CDH12: variants seen among roughly 807,000 people sequenced by gnomAD.
The protein encoded by CDH12 is cadherin 12.
A neutral mutation model predicts 74.1 loss-of-function variants in CDH12; 41 were observed. The observed-to-expected ratio is 0.55, with a 90% confidence interval of 0.43 to 0.72. The LOEUF (loss-of-function observed/expected upper bound fraction) is 0.72. CDH12 is among the 30% of genes least tolerant of loss of function. The pLI, the probability that CDH12 is intolerant of heterozygous loss-of-function variation, is 0.00. For synonymous variants in CDH12, 399 were observed against 355.0 expected, an observed-to-expected ratio of 1.12 and a Z score of -1.39; for missense variants, 945 against 977.2, an observed-to-expected ratio of 0.97 and a Z score of 0.44.
intron 6 of CDH12, among the ~76,000 whole-genome samples, chr5:21,890,498 A>C (rs548770186): frequency 5.5e-4 from 83 of 152,264 alleles, no homozygotes; most frequent in Middle Eastern, 3.4e-3. Flanking sequence ...TTGGTTAAGA[A>C]AGGATTTCAA....
At chr5:22,498,901 C>CTTTTTTTTTT (rs34550762) in intron 2 of CDH12, among the ~76,000 whole-genome samples, 31 of 73,432 alleles carry the variant, frequency 4.2e-4, no homozygotes, top group African/African-American at 4.9e-4. Context: ...TTTTCTGTTT[C>CTTTTTTTTTT]TTTTTTTTTT....
chr5:22,690,900 A>G (rs954249424), intron 1 of CDH12, among the ~76,000 whole-genome samples: 6 of 152,050 alleles, frequency 3.9e-5, no homozygotes, highest in African/African-American at 1.4e-4. Context: ...ACCATCCTTT[A>G]TCTCCTCCAT....
At chr5:22,019,212 A>G (rs992711143) in intron 5 of CDH12, among the ~76,000 whole-genome samples, 9 of 152,096 alleles carry the variant, frequency 5.9e-5, no homozygotes, top group Non-Finnish European at 1.2e-4. Context: ...GTTGGAGAAA[A>G]AGCTGCAACT....
At chr5:22,446,446 A>G (rs935287692) in intron 2 of CDH12, among the ~76,000 whole-genome samples, 2 of 152,138 alleles carry the variant, frequency 1.3e-5, no homozygotes, top group Non-Finnish European at 2.9e-5. Context: ...AACAACAACA[A>G]CAACAAAATG....
intron 6 of CDH12, among the ~76,000 whole-genome samples, chr5:21,879,931 G>T (rs1022209900): frequency 1.3e-5 from 2 of 152,228 alleles, no homozygotes; most frequent in African/African-American, 2.4e-5. Context: ...GGAAAACTTA[G>T]AGAATGGCAG....
chr5:21,877,512 A>G (rs1446642066), intron 6 of CDH12, among the ~76,000 whole-genome samples: 1 of 152,226 alleles, frequency 6.6e-6, no homozygotes, highest in Non-Finnish European at 1.5e-5. Context: ...TAAAGGAACA[A>G]ATAAGTCTGG....
intron 4 of CDH12, among the ~76,000 whole-genome samples, chr5:22,161,071 G>A (rs1748316173): frequency 6.6e-6 from 1 of 152,100 alleles, no homozygotes; most frequent in Non-Finnish European, 1.5e-5. Context: ...AAATCCTGAA[G>A]CTTTCATTCC....
intron 1 of CDH12, among the ~76,000 whole-genome samples, chr5:22,552,824 A>G (rs964733611): frequency 1.1e-4 from 16 of 152,144 alleles, no homozygotes; most frequent in African/African-American, 3.1e-4. Context: ...TTTTATCCCA[A>G]TGGATTCTGG....
At chr5:22,593,385 T>C (rs750642467) in intron 1 of CDH12, among the ~76,000 whole-genome samples, 1 of 152,200 alleles carries the variant, frequency 6.6e-6, no homozygotes, top group Non-Finnish European at 1.5e-5. Flanking sequence ...AAACTATCAC[T>C]GATTAGCTAC....
chr5:22,190,087 C>A (rs1463641895), intron 4 of CDH12, among the ~76,000 whole-genome samples: 3 of 152,018 alleles, frequency 2.0e-5, no homozygotes, highest in African/African-American at 4.8e-5. Flanking sequence ...AATTAGATAA[C>A]GGACATGATT....
intron 1 of CDH12, among the ~76,000 whole-genome samples, chr5:22,732,530 G>A (rs1014048234): frequency 1.3e-5 from 2 of 151,308 alleles, no homozygotes; most frequent in Non-Finnish European, 3.0e-5. Flanking sequence ...TACTATCCCA[G>A]AGTATGCCAT....
At chr5:22,195,700 ACT>A (rs1391886371) in intron 4 of CDH12, among the ~76,000 whole-genome samples, 4 of 152,108 alleles carry the variant, frequency 2.6e-5, no homozygotes, top group Admixed American at 6.5e-5. Context: ...GGATTCTCCA[ACT>A]CTCACTCTAT....
At chr5:22,417,781 T>G (rs920960965) in intron 2 of CDH12, among the ~76,000 whole-genome samples, 5 of 152,170 alleles carry the variant, frequency 3.3e-5, no homozygotes, top group African/African-American at 1.2e-4. Context: ...AAAATGGAAG[T>G]GTATTTTCAT....
intron 2 of CDH12, among the ~76,000 whole-genome samples, chr5:22,428,200 T>C (rs1481313976): frequency 5.6e-5 from 2 of 35,814 alleles, no homozygotes; most frequent in African/African-American, 3.7e-4. Flanking sequence ...CATATGTATA[T>C]ATATATACAC....
At chr5:22,072,263 A>T (rs1397107671) in intron 5 of CDH12, among the ~76,000 whole-genome samples, 1 of 152,016 alleles carries the variant, frequency 6.6e-6, no homozygotes, top group Non-Finnish European at 1.5e-5. Flanking sequence ...GAACCTTTCC[A>T]TACTTTCTGT....
At chr5:22,712,089 C>T (rs79447944) in intron 1 of CDH12, among the ~76,000 whole-genome samples, 118 of 152,062 alleles carry the variant, frequency 7.8e-4, no homozygotes, top group Non-Finnish European at 1.3e-3. Context: ...GTAGCACACA[C>T]AGTAAATGCT....
At chr5:22,358,188 C>T (rs1236499636) in intron 3 of CDH12, among the ~76,000 whole-genome samples, 1 of 152,026 alleles carries the variant, frequency 6.6e-6, no homozygotes, top group Non-Finnish European at 1.5e-5. Context: ...GCAGGTGGAT[C>T]CCTTGAGGTC....
chr5:22,279,425 T>G (rs1736777401), intron 3 of CDH12, among the ~76,000 whole-genome samples: 1 of 152,172 alleles, frequency 6.6e-6, no homozygotes, highest in South Asian at 2.1e-4. Context: ...GTGCACAACG[T>G]GCAGGTTTGT....
intron 1 of CDH12, among the ~76,000 whole-genome samples, chr5:22,580,045 C>T (rs1317553024): frequency 6.6e-6 from 1 of 152,102 alleles, no homozygotes. Flanking sequence ...AATGATATCA[C>T]CTTTTTAGCC....
Sources: gnomAD v4.1 joint callset for allele counts (sites outside exome capture counted in the v4.1 genomes callset) on GRCh38, gnomAD v4.1.1 for gene constraint, MANE v1.5 for transcripts, NCBI Gene and HGNC (gene_info 2026-07-23, HGNC 2026-07-21) for gene names.